The following PTPRN2 variants were observed in gnomAD, a reference collection of about 807,000 sequenced individuals.
The protein encoded by PTPRN2 is protein tyrosine phosphatase receptor type N2, also known as receptor-type tyrosine-protein phosphatase N2.
Under a neutral mutation model 118.8 loss-of-function variants are expected in PTPRN2, and 74 were observed. That is an observed-to-expected ratio of 0.62 (90% CI 0.52 to 0.76). The LOEUF (loss-of-function observed/expected upper bound fraction) is 0.76, where lower values mean the gene tolerates loss of function less well. PTPRN2 is among the 30% of genes least tolerant of loss of function. The pLI, the probability that PTPRN2 is intolerant of heterozygous loss-of-function variation, is 0.00. For synonymous variants in PTPRN2, 641 were observed against 608.0 expected (o/e 1.05, Z -0.80); for missense variants, 1,481 against 1,394.4 (o/e 1.06, Z -0.99).
At chr7:158,406,961 G>A (rs182819207) in intron 2 of PTPRN2, among the ~76,000 whole-genome samples, 9 of 152,238 alleles carry the variant, frequency 5.9e-5, no homozygotes, top group East Asian at 5.8e-4. Context: ...CACAGGCCTC[G>A]CCCACAGCAA....
intron 10 of PTPRN2, among the ~76,000 whole-genome samples, chr7:158,087,196 A>G (rs146702474): frequency 8.9e-4 from 136 of 152,246 alleles, no homozygotes; most frequent in African/African-American, 3.2e-3. Context: ...TAAATTGACT[A>G]TGGCTTGTGT....
chr7:158,185,813 G>A (rs1825084256), intron 5 of PTPRN2, among the ~76,000 whole-genome samples: 1 of 152,174 alleles, frequency 6.6e-6, no homozygotes, highest in South Asian at 2.1e-4. Context: ...GAACCATGGG[G>A]GAGCTCTCTG....
intron 9 of PTPRN2, among the ~76,000 whole-genome samples, chr7:158,121,148 C>G (rs1817143037): frequency 1.3e-5 from 2 of 152,136 alleles, no homozygotes; most frequent in African/African-American, 2.4e-5. Context: ...AAAGGGCCAG[C>G]CTACCTGCTC....
At chr7:157,668,685 C>T (rs577175465) in intron 13 of PTPRN2, among the ~76,000 whole-genome samples, 3 of 152,204 alleles carry the variant, frequency 2.0e-5, no homozygotes, top group South Asian at 4.1e-4. Context: ...CCGCGGGGCC[C>T]GGTGCAACCA....
Position 157,787,574 on chromosome 7 carries a change from C to T in PTPRN2, c.1789-104637G>A, listed in dbSNP as rs991440021. Among the ~76,000 whole-genome samples, 17 of 152,132 alleles carry T rather than the reference C, an allele frequency of 1.1e-4. No individual in the cohort carries two copies. The highest frequency in any genetic ancestry group is 1.9e-4 in the Non-Finnish European group (13 of 68,012). ...CTCCTTGTCCTTCATGTCTTGTAGG[C>T]GACCCCACAGAGAGAGAGGCAGAGG... is the stretch of plus-strand genomic sequence containing the variant. On this transcript the variant is annotated intron_variant, in intron 12 of 22. Coordinates refer to ENST00000389418, the MANE Select transcript of PTPRN2 (RefSeq NM_002847.5). This position sits in a 1 kb window ranked among gnomAD's most constrained non-coding sequence, Gnocchi z 5.3.
At position 158,090,021 on chromosome 7, in the gene PTPRN2, A is replaced by C. The variant is rs55744558; in HGVS notation, c.1644-8644T>G. ...TGACGAAAGAGGGAGTCTTCACACA[A>C]ACCCTTCCTCCCCTGACGAAAGAGG... On this transcript the variant is annotated intron_variant, in intron 10 of 22. Transcript: ENST00000389418. Among the ~76,000 whole-genome samples the C allele has an allele frequency of 2.0e-3, 38 of 18,772 alleles. 1 individual carries two copies. The highest frequency in any genetic ancestry group is 3.8e-3 in the Non-Finnish European group (17 of 4,426). The allele number at this position is 18,772 out of a possible 152,430, so 12.3% of individuals were successfully genotyped here. A position where few individuals can be genotyped will look rare whatever the true frequency, so the allele number is the denominator to read the frequency against.
At chr7:157,766,282 C>G (rs1802483557) in intron 12 of PTPRN2, among the ~76,000 whole-genome samples, 2 of 150,698 alleles carry the variant, frequency 1.3e-5, no homozygotes, top group Admixed American at 6.6e-5. Context: ...ATCCATTCAC[C>G]CACACATCCA....
intron 2 of PTPRN2, among the ~76,000 whole-genome samples, chr7:158,340,676 ACT>A (rs1224911879): frequency 1.1e-5 from 1 of 94,412 alleles, no homozygotes; most frequent in African/African-American, 3.9e-5. Context: ...TCACACCCAC[ACT>A]CTCACCATAA....
At chr7:158,429,044 G>A (rs1815969844) in intron 2 of PTPRN2, among the ~76,000 whole-genome samples, 1 of 152,178 alleles carries the variant, frequency 6.6e-6, no homozygotes, top group Non-Finnish European at 1.5e-5. Context: ...CTGAGACCAA[G>A]GCTTTGGACT....
Position 158,151,133 on chromosome 7 carries a change from G to A in PTPRN2, c.911-12618C>T, listed in dbSNP as rs62480236. Among the ~76,000 whole-genome samples the A allele has an allele frequency of 1.2e-3, 88 of 74,060 alleles. 6 individuals carry two copies. The highest frequency in any genetic ancestry group is 2.4e-3 in the African/African-American group (43 of 17,844). The allele number at this position is 74,060 out of a possible 152,430, so 48.6% of individuals were successfully genotyped here. A position where few individuals can be genotyped will look rare whatever the true frequency, so the allele number is the denominator to read the frequency against. On this transcript the variant is annotated intron_variant, in intron 6 of 22. Coordinates refer to ENST00000389418, the MANE Select transcript of PTPRN2 (RefSeq NM_002847.5). ...GCTCCTACCCCTGCCCACACCGCCC[G>A]CCTTTCTATTCCTGCCTCTCCCTGC...
At chr7:157,542,389 C>T (rs1488291645) in intron 22 of PTPRN2, among the ~76,000 whole-genome samples, 1 of 150,182 alleles carries the variant, frequency 6.7e-6, no homozygotes, top group East Asian at 1.9e-4. Flanking sequence ...TATCTATTTA[C>T]ATCTTCCGAC....
chr7:158,341,357 A>T (rs62493629), intron 2 of PTPRN2, among the ~76,000 whole-genome samples: 2 of 89,716 alleles, frequency 2.2e-5, no homozygotes, highest in East Asian at 3.6e-4. Context: ...CATAAGAGGT[A>T]ACACATGCAG....
rs1342653448 is a variant in PTPRN2, at chr7:158,544,920, T to C, written c.112+42638A>G. Among the ~76,000 whole-genome samples, 1 of 152,164 alleles carries C rather than the reference T, an allele frequency of 6.6e-6. No homozygotes were observed. The highest frequency in any genetic ancestry group is 1.5e-5 in the Non-Finnish European group (1 of 68,030). The stretch of plus-strand genomic sequence containing the variant: ...CTCACACTCACGTGATCACACCCAC[T>C]CTTTCTTCTTGTGGAAAGCCCCACG... On this transcript the variant is annotated intron_variant, in intron 1 of 22. Coordinates refer to ENST00000389418, the MANE Select transcript of PTPRN2 (RefSeq NM_002847.5). The surrounding 1 kb of genome is among the most constrained non-coding windows in gnomAD (Gnocchi z 4.2).
intron 2 of PTPRN2, among the ~76,000 whole-genome samples, chr7:158,458,653 C>T (rs879931982): frequency 5.3e-5 from 8 of 152,330 alleles, no homozygotes; most frequent in Non-Finnish European, 8.8e-5. Flanking sequence ...GTCCCCACTG[C>T]ACACCTCGGA....
intron 2 of PTPRN2, among the ~76,000 whole-genome samples, chr7:158,330,056 C>T (rs1391481952): frequency 3.4e-5 from 5 of 148,998 alleles, no homozygotes; most frequent in East Asian, 2.0e-4. Flanking sequence ...GTCACTCACA[C>T]CCACACTCTC....
intron 21 of PTPRN2, among the ~76,000 whole-genome samples, chr7:157,556,640 C>T (rs1248446776): frequency 6.6e-6 from 1 of 151,660 alleles, no homozygotes; most frequent in Non-Finnish European, 1.5e-5. Flanking sequence ...CATGCACACA[C>T]ACACATTCAC....
In PTPRN2 at chr7:158,510,669, T is replaced by TA. The variant is rs1385127609; in HGVS notation, c.113-20885dup. Among the ~76,000 whole-genome samples, 22 of 152,324 alleles carry TA rather than the reference T, an allele frequency of 1.4e-4. 1 individual carries two copies. The highest frequency in any genetic ancestry group is 4.6e-4 in the African/African-American group (19 of 41,582). ...AGATATCAGAAATTCTCCTATTTGATAAAAAATACTGTAATTCCATGTAAG... is the reference window on the plus strand; with the variant it reads ...AGATATCAGAAATTCTCCTATTTGATAAAAAAATACTGTAATTCCATGTAAG... On this transcript the variant is annotated intron_variant, in intron 1 of 22. Coordinates refer to ENST00000389418, the MANE Select transcript of PTPRN2 (RefSeq NM_002847.5).
At chr7:157,969,894 C>T (rs187139428) in intron 11 of PTPRN2, among the ~76,000 whole-genome samples, 26 of 151,818 alleles carry the variant, frequency 1.7e-4, no homozygotes, top group African/African-American at 1.9e-4. Context: ...GGGAAATTCC[C>T]CAAGAAATAA....
At chr7:157,927,890 C>T (rs1301675279) in intron 11 of PTPRN2, among the ~76,000 whole-genome samples, 1 of 152,090 alleles carries the variant, frequency 6.6e-6, no homozygotes, top group Non-Finnish European at 1.5e-5. Context: ...CTACAATTCA[C>T]GCTTGTGGGC....
Sources: gnomAD v4.1 joint callset for allele counts (sites outside exome capture counted in the v4.1 genomes callset) on GRCh38, gnomAD v4.1.1 for gene constraint, Gnocchi (gnomAD v3.1) non-coding constraint, MANE v1.5 for transcripts, NCBI Gene and HGNC (gene_info 2026-07-23, HGNC 2026-07-21) for gene names.